Variants in FBXL7 observed in about 807,000 individuals in gnomAD.
FBXL7 encodes F-box and leucine rich repeat protein 7.
A neutral mutation model predicts 38.3 loss-of-function variants in FBXL7; 12 were observed. The ratio of observed to expected loss-of-function variants is 0.31; its 90% CI spans 0.20 to 0.51. The LOEUF (loss-of-function observed/expected upper bound fraction) is 0.51, where lower values mean the gene tolerates loss of function less well. FBXL7 is among the 20% of genes least tolerant of loss of function. The probability of loss-of-function intolerance (pLI) is 0.98; values close to 1 mark genes in which losing one functional copy is unlikely to be tolerated. For synonymous variants in FBXL7, 297 were observed against 300.9 expected (o/e 0.99, Z 0.13); for missense variants, 567 against 676.4 (o/e 0.84, Z 1.79).
At chr5:15,845,831 C>G (rs1331553074) in intron 2 of FBXL7, among the ~76,000 whole-genome samples, 1 of 151,934 alleles carries the variant, frequency 6.6e-6, no homozygotes, top group Admixed American at 6.6e-5. Context: ...ATTAGCCGGG[C>G]GTGGTGGCGG....
chr5:15,772,921 G>C (rs1736766279), intron 2 of FBXL7, among the ~76,000 whole-genome samples: 1 of 151,358 alleles, frequency 6.6e-6, no homozygotes, highest in Non-Finnish European at 1.5e-5. Context: ...TTGAGACAGA[G>C]TCTTGCTGTG....
chr5:15,764,844 C>T (rs914236727), intron 2 of FBXL7, among the ~76,000 whole-genome samples: 1 of 152,182 alleles, frequency 6.6e-6, no homozygotes, highest in African/African-American at 2.4e-5. Flanking sequence ...TAATCTAGAG[C>T]AGAAGTTTAC....
chr5:15,678,183 T>C (rs1269331705), intron 2 of FBXL7, among the ~76,000 whole-genome samples: 1 of 152,178 alleles, frequency 6.6e-6, no homozygotes, highest in East Asian at 1.9e-4. Flanking sequence ...CTGCAATGTA[T>C]GTGAAACCTC....
intron 2 of FBXL7, among the ~76,000 whole-genome samples, chr5:15,748,218 C>T (rs530156241): frequency 1.3e-5 from 2 of 152,296 alleles, no homozygotes; most frequent in Admixed American, 1.3e-4. Flanking sequence ...ATGCACAGGA[C>T]AGGCCCTGAC....
chr5:15,549,355 T>C (rs1474571376), intron 1 of FBXL7, among the ~76,000 whole-genome samples: 1 of 152,154 alleles, frequency 6.6e-6, no homozygotes, highest in East Asian at 1.9e-4. Context: ...AGCTGGCAGA[T>C]GAGTTGTAGC....
intron 3 of FBXL7, among the ~76,000 whole-genome samples, chr5:15,935,691 A>G (rs1742163575): frequency 6.6e-6 from 1 of 152,252 alleles, no homozygotes; most frequent in South Asian, 2.1e-4. Context: ...CCTCAACTAA[A>G]GAGAGTTGGA....
intron 2 of FBXL7, among the ~76,000 whole-genome samples, chr5:15,839,054 T>G (rs933464764): frequency 1.3e-5 from 2 of 152,208 alleles, no homozygotes; most frequent in South Asian, 4.1e-4. Context: ...ATGGACTGCT[T>G]CTTCATACAC....
chr5:15,574,633 A>G (rs1483592031), intron 1 of FBXL7, among the ~76,000 whole-genome samples: 2 of 152,192 alleles, frequency 1.3e-5, no homozygotes, highest in Non-Finnish European at 2.9e-5. Flanking sequence ...GCTTCAAGGT[A>G]ACATTTCACT....
At chr5:15,775,722 C>T (rs1396282434) in intron 2 of FBXL7, among the ~76,000 whole-genome samples, 1 of 152,006 alleles carries the variant, frequency 6.6e-6, no homozygotes, top group East Asian at 1.9e-4. Flanking sequence ...GAATATGGGC[C>T]AGGAATGTCT....
At chr5:15,933,260 C>T (rs1258461811) in intron 3 of FBXL7, among the ~76,000 whole-genome samples, 4 of 152,156 alleles carry the variant, frequency 2.6e-5, no homozygotes, top group African/African-American at 9.7e-5. Context: ...CAAAACTGAA[C>T]TAAACAAGTA....
At chr5:15,657,784 G>A (rs1741929712) in intron 2 of FBXL7, among the ~76,000 whole-genome samples, 1 of 151,924 alleles carries the variant, frequency 6.6e-6, no homozygotes, top group Admixed American at 6.6e-5. Context: ...TTTGTAGTGA[G>A]CCGAGATCAC....
chr5:15,772,477 G>A (rs528424060), intron 2 of FBXL7, among the ~76,000 whole-genome samples: 5 of 152,268 alleles, frequency 3.3e-5, no homozygotes, highest in Non-Finnish European at 5.9e-5. Flanking sequence ...AAGGCCTTAT[G>A]TACTCTCATC....
intron 1 of FBXL7, among the ~76,000 whole-genome samples, chr5:15,585,590 A>G (rs1424600313): frequency 1.3e-5 from 2 of 152,260 alleles, no homozygotes; most frequent in African/African-American, 4.8e-5. Flanking sequence ...GGGTTTTAGT[A>G]GAGAAGCTCA....
At chr5:15,566,513 C>T (rs191444271) in intron 1 of FBXL7, among the ~76,000 whole-genome samples, 90 of 152,184 alleles carry the variant, frequency 5.9e-4, no homozygotes, top group African/African-American at 2.2e-3. Flanking sequence ...CTGAGCTAGG[C>T]GTGATTGCAG....
At chr5:15,742,221 C>T (rs1735910581) in intron 2 of FBXL7, among the ~76,000 whole-genome samples, 1 of 152,088 alleles carries the variant, frequency 6.6e-6, no homozygotes, top group Non-Finnish European at 1.5e-5. Flanking sequence ...TTCCTAAGTC[C>T]TCCCTCTGTG....
At chr5:15,607,086 A>G (rs1289238639) in intron 1 of FBXL7, 1 of 152,248 alleles carries the variant, frequency 6.6e-6, no homozygotes, top group African/African-American at 2.4e-5. Flanking sequence ...GGAAAATAAC[A>G]GTAAATTCAA....
rs140342695 is a variant in FBXL7 at position 15,915,211 on chromosome 5, A to T, written c.128-12679A>T. Among the ~76,000 whole-genome samples the T allele has an allele frequency of 7.2e-5, 11 of 152,356 alleles. No homozygotes were observed. The East Asian group carries it at 1.9e-3, about 27-fold the overall frequency. On this transcript the variant is annotated intron_variant, in intron 2 of 3. Transcript: ENST00000504595. The stretch of plus-strand genomic sequence containing the variant: ...GCCTGGCATATAGTAAGCATTCAAT[A>T]TAAAAGTGTGGAAAGAGCTGTACTG...
intron 2 of FBXL7, among the ~76,000 whole-genome samples, chr5:15,745,915 G>T (rs1736002969): frequency 6.6e-6 from 1 of 152,182 alleles, no homozygotes; most frequent in South Asian, 2.1e-4. Flanking sequence ...GTGGAAGAGA[G>T]ACTCTCATGG....
At chr5:15,735,788 A>G (rs904978649) in intron 2 of FBXL7, among the ~76,000 whole-genome samples, 8 of 152,252 alleles carry the variant, frequency 5.3e-5, no homozygotes, top group Non-Finnish European at 8.8e-5. Flanking sequence ...AGAAAACATC[A>G]TCGGAAGCTG....
Sources: gnomAD v4.1 joint callset for allele counts (sites outside exome capture counted in the v4.1 genomes callset) on GRCh38, gnomAD v4.1.1 for gene constraint, MANE v1.5 for transcripts, NCBI Gene and HGNC (gene_info 2026-07-23, HGNC 2026-07-21) for gene names.